Variants in TCF7L2 observed in about 807,000 individuals in gnomAD.
The protein encoded by TCF7L2 is transcription factor 7 like 2, also known as transcription factor 7-like 2.
TCF7L2 carries 23 observed loss-of-function variants against 77.9 expected under a neutral mutation model. That is an observed-to-expected ratio of 0.30 (90% confidence interval 0.21 to 0.42). The LOEUF is 0.42. Ranked by LOEUF, TCF7L2 falls within the 10% of genes least tolerant of loss-of-function variation. TCF7L2 has a pLI of 1.00. For missense variants in TCF7L2, 654 were observed against 793.1 expected (o/e 0.82, Z 2.11); for synonymous variants, 413 against 340.2 (o/e 1.21, Z -2.36).
intron 3 of TCF7L2, among the ~76,000 whole-genome samples, chr10:112,960,679 A>G (rs149902310): frequency 7.1e-6 from 1 of 141,596 alleles, no homozygotes; most frequent in Non-Finnish European, 1.5e-5. Flanking sequence ...GAGATGAGGC[A>G]GATGGGAACC....
rs1391910496 is a variant in TCF7L2 at position 113,151,475 on chromosome 10, C to T, written c.1002-250C>T. On this transcript the variant is annotated intron_variant, in intron 9 of 13. Transcript: ENST00000627217. The surrounding 1 kb of genome is among the most constrained non-coding windows in gnomAD (Gnocchi z 5.2). ...GGTGAAGACAGCAACCATGTGCTTT[C>T]CCCTCTGGCTTGGGAAAATTGTATA... 2.0e-5 allele frequency among the ~76,000 whole-genome samples: 3 copies of T among 152,140 alleles called. No homozygotes were observed. The highest frequency in any genetic ancestry group is 6.6e-5 in the Admixed American group (1 of 15,260).
intron 4 of TCF7L2, among the ~76,000 whole-genome samples, chr10:113,013,217 C>G (rs543324958): frequency 1.0e-3 from 151 of 144,796 alleles, no homozygotes; most frequent in Non-Finnish European, 1.9e-3. Flanking sequence ...CTCCCAGGTT[C>G]AAGCGATTCT....
At chr10:113,045,493 A>AC (rs1420491692) in intron 5 of TCF7L2, among the ~76,000 whole-genome samples, 3 of 151,854 alleles carry the variant, frequency 2.0e-5, no homozygotes, top group African/African-American at 7.3e-5. Flanking sequence ...GAGCCCTGGG[A>AC]CCCCCAGGGA....
chr10:113,069,294 A>T (rs1005570057), intron 5 of TCF7L2, among the ~76,000 whole-genome samples: 2 of 151,382 alleles, frequency 1.3e-5, no homozygotes, highest in African/African-American at 4.9e-5. Flanking sequence ...CCGTGGTGCA[A>T]TCTCAGCTCA....
intron 8 of TCF7L2, among the ~76,000 whole-genome samples, chr10:113,146,779 C>A (rs781163134): frequency 4.6e-5 from 7 of 152,004 alleles, no homozygotes; most frequent in Non-Finnish European, 1.0e-4. Context: ...GGTACAAAAT[C>A]TGATGTGTAT....
chr10:113,126,806 T>C (rs2065699273), intron 5 of TCF7L2: 10 of 986,022 alleles, frequency 1.0e-5, no homozygotes, highest in Non-Finnish European at 1.1e-5. Context: ...GCGCGGGCCC[T>C]GGGCAGCATC....
chr10:113,068,832 G>A (rs775429330), intron 5 of TCF7L2, among the ~76,000 whole-genome samples: 4 of 151,600 alleles, frequency 2.6e-5, no homozygotes, highest in Non-Finnish European at 5.9e-5. Context: ...TTGGCCATTC[G>A]CATGCTGCCA....
chr10:113,031,803 T>G (rs2050266131), intron 4 of TCF7L2, among the ~76,000 whole-genome samples: 1 of 152,202 alleles, frequency 6.6e-6, no homozygotes, highest in South Asian at 2.1e-4. Context: ...TTACCTTCTT[T>G]GTGTTAATTC....
At chr10:113,022,253 C>T (rs1319532170) in intron 4 of TCF7L2, among the ~76,000 whole-genome samples, 1 of 152,224 alleles carries the variant, frequency 6.6e-6, no homozygotes, top group East Asian at 1.9e-4. Flanking sequence ...GACGGCTTTG[C>T]CTCCACATGG....
At chr10:112,970,166 TTGTGTG>T (rs61281206) in intron 4 of TCF7L2, among the ~76,000 whole-genome samples, 3 of 150,288 alleles carry the variant, frequency 2.0e-5, no homozygotes, top group Admixed American at 1.3e-4. Context: ...TTGAAGTGGT[TTGTGTG>T]TGTGTGTGTG....
intron 4 of TCF7L2, among the ~76,000 whole-genome samples, chr10:112,995,546 CTG>C (rs2133212563): frequency 6.6e-6 from 1 of 152,314 alleles, no homozygotes; most frequent in South Asian, 2.1e-4. Flanking sequence ...CAGAGTATCA[CTG>C]TGACTTCAGG....
At chr10:113,023,668 A>AT (rs2048605428) in intron 4 of TCF7L2, among the ~76,000 whole-genome samples, 1 of 149,852 alleles carries the variant, frequency 6.7e-6, no homozygotes. Context: ...TATTTTATTT[A>AT]TTTTTTAATT....
chr10:113,133,431 G>C (rs1339991157), intron 5 of TCF7L2: 1 of 152,128 alleles, frequency 6.6e-6, no homozygotes, highest in African/African-American at 2.4e-5. Context: ...TTTGAGGATA[G>C]AGAAAAGGTC....
intron 5 of TCF7L2, among the ~76,000 whole-genome samples, chr10:113,083,797 A>C (rs184134486): frequency 6.6e-6 from 1 of 152,182 alleles, no homozygotes; most frequent in Admixed American, 6.5e-5. Context: ...GGCCCTTAGC[A>C]ATATCCTTCT....
intron 5 of TCF7L2, among the ~76,000 whole-genome samples, chr10:113,083,456 A>C (rs2059523051): frequency 6.6e-6 from 1 of 152,130 alleles, no homozygotes; most frequent in East Asian, 1.9e-4. Flanking sequence ...TTTACGATAA[A>C]AATGGTAGCT....
chr10:113,083,747 T>A (rs1249792138), intron 5 of TCF7L2, among the ~76,000 whole-genome samples: 4 of 152,238 alleles, frequency 2.6e-5, no homozygotes, highest in Admixed American at 6.5e-5. Flanking sequence ...CACCAATTTT[T>A]AAAAATTGTC....
chr10:112,990,718 A>C (rs950084510), intron 4 of TCF7L2, among the ~76,000 whole-genome samples: 4 of 152,064 alleles, frequency 2.6e-5, no homozygotes, highest in Admixed American at 2.6e-4. Flanking sequence ...TAATAAATAA[A>C]TAAATAAATA....
intron 5 of TCF7L2, among the ~76,000 whole-genome samples, chr10:113,100,144 T>C (rs2061475086): frequency 6.6e-6 from 1 of 152,178 alleles, no homozygotes; most frequent in Non-Finnish European, 1.5e-5. Flanking sequence ...TGTAGAGGAA[T>C]GTCTTCCAGG....
At chr10:113,147,010 C>T (rs927667307) in intron 8 of TCF7L2, among the ~76,000 whole-genome samples, 1 of 152,204 alleles carries the variant, frequency 6.6e-6, no homozygotes, top group Non-Finnish European at 1.5e-5. Flanking sequence ...TTTCCTCCCT[C>T]TGATTAATTC....
Sources: gnomAD v4.1 joint callset for allele counts (sites outside exome capture counted in the v4.1 genomes callset) on GRCh38, gnomAD v4.1.1 for gene constraint, Gnocchi (gnomAD v3.1) non-coding constraint, MANE v1.5 for transcripts, NCBI Gene and HGNC (gene_info 2026-07-23, HGNC 2026-07-21) for gene names.